The following KIF6 variants were observed in gnomAD, a reference collection of about 807,000 sequenced individuals.
KIF6 encodes kinesin-like protein KIF6.
KIF6 carries 106 observed loss-of-function variants against 112.7 expected under a neutral mutation model. The ratio of observed to expected loss-of-function variants is 0.94; its 90% CI spans 0.80 to 1.11. KIF6 has a LOEUF of 1.11. Ranked by LOEUF, KIF6 falls within the 50% of genes least tolerant of loss-of-function variation. The probability of loss-of-function intolerance (pLI) is 0.00; values close to 1 mark genes in which losing one functional copy is unlikely to be tolerated. For missense variants in KIF6, 929 were observed against 964.0 expected (o/e 0.96, Z 0.48); for synonymous variants, 339 against 339.9 (o/e 1.00, Z 0.03).
chr6:39,363,203 A>G (rs547535397), intron 16 of KIF6, among the ~76,000 whole-genome samples: 2 of 152,308 alleles, frequency 1.3e-5, no homozygotes, highest in East Asian at 3.9e-4. Flanking sequence ...CTTCACAAAA[A>G]AAGGAAACCT....
chr6:39,601,611 T>C (rs1253473023), intron 6 of KIF6, among the ~76,000 whole-genome samples: 5 of 152,038 alleles, frequency 3.3e-5, no homozygotes, highest in Admixed American at 2.6e-4. Context: ...TCCTGGAACC[T>C]GGACAATCTA....
chr6:39,565,587 T>C (rs1043038647), intron 10 of KIF6, among the ~76,000 whole-genome samples: 1 of 152,180 alleles, frequency 6.6e-6, no homozygotes, highest in Non-Finnish European at 1.5e-5. Context: ...GCAAATGAGA[T>C]AAATGAGAAT....
intron 13 of KIF6, among the ~76,000 whole-genome samples, chr6:39,481,816 C>T (rs995522930): frequency 6.6e-6 from 1 of 152,152 alleles, no homozygotes; most frequent in Non-Finnish European, 1.5e-5. Context: ...GGATGACTTA[C>T]ACTTTCCCCT....
chr6:39,619,967 C>A (rs1303548656), intron 5 of KIF6, among the ~76,000 whole-genome samples: 1 of 152,162 alleles, frequency 6.6e-6, no homozygotes, highest in East Asian at 1.9e-4. Context: ...AACAATATCA[C>A]TTCACAACCA....
chr6:39,468,399 T>C (rs964428081), intron 13 of KIF6, among the ~76,000 whole-genome samples: 3 of 152,160 alleles, frequency 2.0e-5, no homozygotes, highest in African/African-American at 7.2e-5. Context: ...GTAGGATCAA[T>C]ACAAAGAGAT....
At chr6:39,653,458 G>C (rs140179431) in intron 3 of KIF6, among the ~76,000 whole-genome samples, 3 of 152,140 alleles carry the variant, frequency 2.0e-5, no homozygotes, top group Non-Finnish European at 4.4e-5. Flanking sequence ...GATATGAAAG[G>C]AGAAAGTACC....
At chr6:39,344,211 C>A (rs546455924) in intron 21 of KIF6, among the ~76,000 whole-genome samples, 1 of 152,276 alleles carries the variant, frequency 6.6e-6, no homozygotes, top group African/African-American at 2.4e-5. Context: ...ACGAGGTTTC[C>A]CCTCTCACTT....
chr6:39,582,409 G>T (rs186527607), intron 9 of KIF6, among the ~76,000 whole-genome samples: 46 of 151,856 alleles, frequency 3.0e-4, no homozygotes, highest in African/African-American at 1.1e-3. Context: ...TGTTTTGTTT[G>T]GTTTGGTTTG....
chr6:39,578,917 T>G lies in KIF6; in HGVS notation c.1078-758A>C, dbSNP rs115055931. ...TTAAGCTTATTTACATTGCTTCATGTGGCTCTAGTTCATTAATTTTCATGG... is the reference window on the plus strand; with the variant it reads ...TTAAGCTTATTTACATTGCTTCATGGGGCTCTAGTTCATTAATTTTCATGG... On this transcript the variant is annotated intron_variant, in intron 9 of 22. Transcript: ENST00000287152. Among the ~76,000 whole-genome samples, 628 of 152,374 alleles carry G rather than the reference T, an allele frequency of 4.1e-3. 2 individuals carry two copies. The highest frequency in any genetic ancestry group is 7.0e-3 in the Non-Finnish European group (477 of 68,034).
intron 16 of KIF6, among the ~76,000 whole-genome samples, chr6:39,366,576 C>T (rs955898393): frequency 1.3e-5 from 2 of 152,032 alleles, no homozygotes; most frequent in African/African-American, 4.8e-5. Flanking sequence ...TGGGTGAGGG[C>T]CTCTAAGTGG....
At chr6:39,346,895 C>T (rs550106338) in intron 19 of KIF6, among the ~76,000 whole-genome samples, 1 of 152,298 alleles carries the variant, frequency 6.6e-6, no homozygotes, top group African/African-American at 2.4e-5. Flanking sequence ...GTGATCCACC[C>T]ACCTTGGCCT....
At position 39,471,161 on chromosome 6, in the gene KIF6, C is replaced by G. The variant is rs541110125; in HGVS notation, c.1646-40000G>C. On this transcript the variant is annotated intron_variant, in intron 13 of 22. Transcript: ENST00000287152. ...TCCTTCTCTCCTGTTCTTCTTTTCCCTTGGTATCTTTTATAGTCTCCATGG... is the reference window on the plus strand; with the variant it reads ...TCCTTCTCTCCTGTTCTTCTTTTCCGTTGGTATCTTTTATAGTCTCCATGG... 1.2e-3 allele frequency among the ~76,000 whole-genome samples: 182 copies of G among 152,236 alleles called. 1 individual carries two copies. Among genetic ancestry groups the G allele is most frequent in the African/African-American group, 3.6e-3 (148 of 41,544 alleles).
In KIF6 at chr6:39,659,819, CA is replaced by C. The variant is rs778325163; in HGVS notation, c.252-20063del. Among the ~76,000 whole-genome samples, 5 of 152,154 alleles carry C rather than the reference CA, an allele frequency of 3.3e-5. 1 individual carries two copies. Among genetic ancestry groups the C allele is most frequent in the Admixed American group, 6.6e-5 (1 of 15,262 alleles). ...AATTACCCAGTTTTGTGTATTTCTT[CA>C]CAGCAGTGTGAGAATGGACTAATAC... On this transcript the variant is annotated intron_variant, in intron 3 of 22. Coordinates refer to ENST00000287152, the MANE Select transcript of KIF6 (RefSeq NM_145027.6).
chr6:39,337,903 G>T (rs1167314708), intron 22 of KIF6, among the ~76,000 whole-genome samples: 1 of 152,186 alleles, frequency 6.6e-6, no homozygotes, highest in African/African-American at 2.4e-5. Flanking sequence ...AAGCAAGGTG[G>T]CTTCTTGCTT....
At chr6:39,710,469 G>GA (rs11371063) in intron 3 of KIF6, among the ~76,000 whole-genome samples, 110,942 of 139,896 alleles carry the variant, frequency 0.79, 44,560 homozygotes, top group East Asian at 0.96. Flanking sequence ...AAAGAAGACA[G>GA]AAAAAAAAAA....
At chr6:39,534,585 A>C (rs1321914133) in intron 13 of KIF6, among the ~76,000 whole-genome samples, 2 of 152,254 alleles carry the variant, frequency 1.3e-5, no homozygotes, top group Non-Finnish European at 2.9e-5. Context: ...CCTACGTCTG[A>C]TTGGTGTACC....
chr6:39,354,502 T>A (rs116588308), intron 19 of KIF6, among the ~76,000 whole-genome samples: 250 of 152,300 alleles, frequency 1.6e-3, no homozygotes, highest in African/African-American at 5.7e-3. Flanking sequence ...AAACACACAA[T>A]GATGTAGGAA....
intron 7 of KIF6, among the ~76,000 whole-genome samples, chr6:39,593,123 TC>T (rs1416654301): frequency 3.3e-5 from 5 of 152,330 alleles, no homozygotes; most frequent in African/African-American, 1.2e-4. Flanking sequence ...CCTGCCTACT[TC>T]TCAGTCATTC....
intron 19 of KIF6, chr6:39,353,895 T>C (rs964888582): frequency 1.4e-5 from 8 of 561,624 alleles, no homozygotes; most frequent in African/African-American, 9.7e-5. Flanking sequence ...TTCCTACTGC[T>C]AAGTGGAGCT....
Sources: gnomAD v4.1 joint callset for allele counts (sites outside exome capture counted in the v4.1 genomes callset) on GRCh38, gnomAD v4.1.1 for gene constraint, MANE v1.5 for transcripts, NCBI Gene and HGNC (gene_info 2026-07-23, HGNC 2026-07-21) for gene names.